Variants in WBP1L observed in about 807,000 individuals in gnomAD.
The protein encoded by WBP1L is WW domain binding protein 1-like.
A neutral mutation model predicts 33.7 loss-of-function variants in WBP1L; 17 were observed. That is an observed-to-expected ratio of 0.50 (90% CI 0.34 to 0.76). The LOEUF (loss-of-function observed/expected upper bound fraction) is 0.76, where lower values mean the gene tolerates loss of function less well. Among genes scored for constraint, WBP1L ranks in the 30% least tolerant of loss-of-function variants. WBP1L has a pLI of 0.01. For synonymous variants in WBP1L, 173 were observed against 190.8 expected (o/e 0.91, Z 0.77); for missense variants, 389 against 469.4 (o/e 0.83, Z 1.58).
chr10:102,744,506 G>A, intron 1 of WBP1L: 1 of 984,008 alleles, frequency 1.0e-6, no homozygotes, highest in Non-Finnish European at 1.2e-6. Context: ...GTACGTCTGT[G>A]TGTGTAGGGG....
intron 1 of WBP1L, among the ~76,000 whole-genome samples, chr10:102,784,200 T>C (rs1391120089): frequency 6.6e-6 from 1 of 152,090 alleles, no homozygotes; most frequent in Non-Finnish European, 1.5e-5. Flanking sequence ...ATCTCAGTGG[T>C]ACCCAAATGA....
chr10:102,749,330 G>A (rs767895049), intron 1 of WBP1L, among the ~76,000 whole-genome samples: 1 of 152,124 alleles, frequency 6.6e-6, no homozygotes, highest in African/African-American at 2.4e-5. Flanking sequence ...GAATGCAGTG[G>A]TGTAGTCGTA....
At chr10:102,790,801 G>A (rs1053594591) in intron 1 of WBP1L, among the ~76,000 whole-genome samples, 11 of 152,088 alleles carry the variant, frequency 7.2e-5, no homozygotes, top group East Asian at 1.9e-4. Flanking sequence ...GTGAGCCACC[G>A]CGCCTGGCCA....
At chr10:102,803,297 CA>C (rs1444373364) in intron 2 of WBP1L, among the ~76,000 whole-genome samples, 1 of 152,160 alleles carries the variant, frequency 6.6e-6, no homozygotes, top group Non-Finnish European at 1.5e-5. Context: ...GAGGAGAGCT[CA>C]CTTACAGTAT....
At chr10:102,767,954 G>A (rs1002129926) in intron 1 of WBP1L, among the ~76,000 whole-genome samples, 1 of 152,162 alleles carries the variant, frequency 6.6e-6, no homozygotes, top group Non-Finnish European at 1.5e-5. Flanking sequence ...GCCTTTGGAC[G>A]TATGCCCCAT....
chr10:102,759,647 A>G (rs1843014575), intron 1 of WBP1L, among the ~76,000 whole-genome samples: 1 of 152,178 alleles, frequency 6.6e-6, no homozygotes, highest in Non-Finnish European at 1.5e-5. Flanking sequence ...ACGTTGGTGT[A>G]CAAGTTTTTT....
chr10:102,793,384 G>A (rs1445108026), intron 1 of WBP1L, among the ~76,000 whole-genome samples: 1 of 152,234 alleles, frequency 6.6e-6, no homozygotes, highest in African/African-American at 2.4e-5. Context: ...GTTTGAGGCT[G>A]TAGTGAGCTA....
chr10:102,782,896 A>G (rs188238143), intron 1 of WBP1L, among the ~76,000 whole-genome samples: 50 of 152,276 alleles, frequency 3.3e-4, no homozygotes, highest in Admixed American at 2.8e-3. Flanking sequence ...CTGGCATTGC[A>G]TCAAGGAGGC....
chr10:102,802,100 C>G (rs1470080291), intron 2 of WBP1L, among the ~76,000 whole-genome samples: 1 of 77,966 alleles, frequency 1.3e-5, no homozygotes, highest in Non-Finnish European at 2.8e-5. Flanking sequence ...CTTCCCCCTC[C>G]TCCTTCCACC....
intron 1 of WBP1L, among the ~76,000 whole-genome samples, chr10:102,771,595 G>A (rs919112329): frequency 2.0e-5 from 3 of 152,010 alleles, no homozygotes; most frequent in Admixed American, 2.0e-4. Flanking sequence ...TTTGGTTGAG[G>A]TCAGGAGTTC....
chr10:102,760,352 G>GTTTC (rs199961327), intron 1 of WBP1L, among the ~76,000 whole-genome samples: 33 of 139,486 alleles, frequency 2.4e-4, no homozygotes, highest in South Asian at 6.8e-4. Context: ...AGCCTTCCTT[G>GTTTC]TTTCTTTCTT....
intron 1 of WBP1L, among the ~76,000 whole-genome samples, chr10:102,789,202 A>T (rs576887482): frequency 6.6e-6 from 1 of 152,144 alleles, no homozygotes; most frequent in Non-Finnish European, 1.5e-5. Context: ...ACCTCAGGTG[A>T]TCCACCTGCC....
chr10:102,812,754 G>C lies in WBP1L; in HGVS notation c.515G>C (p.Arg172Thr). The C allele has an allele frequency of 6.2e-7, 1 of 1,613,480 alleles. No individual in the cohort carries two copies. Among genetic ancestry groups the C allele is most frequent in the Non-Finnish European group, 8.5e-7 (1 of 1,179,754 alleles). ...GGSPPGIDPT[R>T]GSQGAQSSPL... ...AGTCCCCCGGGCATCGATCCCACCA[G>C]GGGATCCCAGGGGGCACAGAGCAGC... The change falls in exon 4 of 4, where the codon AGG (arginine) becomes ACG (threonine). Residue 172 changes from arginine (R) to threonine (T), a missense_variant. Physicochemically the swap from Arg to Thr is moderately conservative, Grantham distance 71. Transcript: ENST00000448841.
chr10:102,751,182 A>G (rs1842921266), intron 1 of WBP1L, among the ~76,000 whole-genome samples: 1 of 151,986 alleles, frequency 6.6e-6, no homozygotes, highest in South Asian at 2.1e-4. Flanking sequence ...TGTATTTTTT[A>G]GTAGAGATGG....
intron 1 of WBP1L, among the ~76,000 whole-genome samples, chr10:102,764,182 A>T (rs1843080377): frequency 6.6e-6 from 1 of 152,170 alleles, no homozygotes; most frequent in African/African-American, 2.4e-5. Flanking sequence ...AAGAAGGATG[A>T]TGACTTATGG....
At chr10:102,809,840 C>T in intron 2 of WBP1L, 53 bp from the exon 3 acceptor site, 1 of 1,555,174 alleles carries the variant, frequency 6.4e-7, no homozygotes, top group East Asian at 2.3e-5. Flanking sequence ...CAAGCTGCCC[C>T]TCTGGCTGGT....
rs1187827059 is a variant in WBP1L, at chr10:102,743,986, A to G, written c.-68A>G. ...AGAAGGGAAGAAGGAAGAAGAGGGTAGAGGAGGAGAGGGAGGAGGAGGAGG... is the reference window on the plus strand; with the variant it reads ...AGAAGGGAAGAAGGAAGAAGAGGGTGGAGGAGGAGAGGGAGGAGGAGGAGG... On this transcript the variant is annotated 5_prime_UTR_variant, in exon 1 of 4. Transcript: ENST00000448841. 3 of 1,113,308 alleles carry G rather than the reference A, an allele frequency of 2.7e-6. No homozygotes were observed. Among genetic ancestry groups the G allele is most frequent in the Non-Finnish European group, 4.0e-6 (3 of 758,308 alleles). The allele number at this position is 1,113,308 out of a possible 1,614,324, so 69.0% of individuals were successfully genotyped here.
rs202146271 is a variant in WBP1L, at chr10:102,743,997, GGGA to G, written c.-45_-43del. On this transcript the variant is annotated 5_prime_UTR_variant, in exon 1 of 4. Coordinates refer to ENST00000448841, the MANE Select transcript of WBP1L (RefSeq NM_001083913.2). ...AGGAAGAAGAGGGTAGAGGAGGAGA[GGGA>G]GGAGGAGGAGGGAGGTGGCGGCGCC... The G allele has an allele frequency of 2.4e-4, 298 of 1,258,574 alleles. No homozygotes were observed. Among genetic ancestry groups the G allele is most frequent in the Non-Finnish European group, 2.8e-4 (244 of 886,726 alleles). The allele number at this position is 1,258,574 out of a possible 1,614,324, so 78.0% of individuals were successfully genotyped here.
At chr10:102,798,457 T>G (rs1843604446) in intron 2 of WBP1L, among the ~76,000 whole-genome samples, 1 of 151,982 alleles carries the variant, frequency 6.6e-6, no homozygotes, top group Non-Finnish European at 1.5e-5. Context: ...TGACGGAGTC[T>G]CGCTCTGTCA....
Sources: gnomAD v4.1 joint callset for allele counts (sites outside exome capture counted in the v4.1 genomes callset) on GRCh38, gnomAD v4.1.1 for gene constraint, MANE v1.5 for transcripts, NCBI Gene and HGNC (gene_info 2026-07-23, HGNC 2026-07-21) for gene names.